The following ATG4A variants were observed in gnomAD, a reference collection of about 807,000 sequenced individuals.
ATG4A encodes the protein autophagy related 4A cysteine peptidase.
ATG4A carries 22 observed loss-of-function variants against 38.4 expected under a neutral mutation model. The observed-to-expected ratio is 0.57, with a 90% CI of 0.41 to 0.82. The LOEUF is 0.82. Among genes scored for constraint, ATG4A ranks in the 40% least tolerant of loss-of-function variants. The pLI is 0.00. For synonymous variants in ATG4A, 86 were observed against 100.7 expected (o/e 0.85, Z 0.88); for missense variants, 220 against 290.0 (o/e 0.76, Z 1.75).
chrX:108,108,393 A>G lies in ATG4A; in HGVS notation c.10+16557A>G, dbSNP rs375357813. ...ATATATTTATTTATTTATAATGTCC[A>G]GTGTTTTTAGATATAGAGGGATAAA... On this transcript the variant is annotated intron_variant, in intron 1 of 12. Coordinates refer to ENST00000372232, the MANE Select transcript of ATG4A (RefSeq NM_052936.5). Among the ~76,000 whole-genome samples, 7 of 109,060 alleles carry G rather than the reference A, an allele frequency of 6.4e-5. 1 individual carries two copies. Among genetic ancestry groups the G allele is most frequent in the African/African-American group, 2.3e-4 (7 of 30,087 alleles). 94.7% of individuals were successfully genotyped at this position (109,060 alleles called of 115,157 possible).
intron 1 of ATG4A, among the ~76,000 whole-genome samples, chrX:108,096,240 G>A (rs2147953093): frequency 8.9e-6 from 1 of 111,805 alleles, no homozygotes; most frequent in South Asian, 3.7e-4. Context: ...ATTTTAGGTT[G>A]AATTAATTAA....
At position 108,134,331 on chromosome X, in the gene ATG4A, A is replaced by G. The variant is rs1315103672; in HGVS notation, c.395-8A>G. 8.3e-7 allele frequency: 1 copy of G among 1,206,502 alleles called. No individual in the cohort carries two copies. Among genetic ancestry groups the G allele is most frequent in the Non-Finnish European group, 1.1e-6 (1 of 893,392 alleles). ...CTAACATGTTATTTTTTTCCACATT[A>G]AAAACAGCACAAATGGGTGTAGGAG... On this transcript the variant is annotated splice_region_variant and splice_polypyrimidine_tract_variant and intron_variant, in intron 5 of 12. Transcript: ENST00000372232.
intron 9 of ATG4A, among the ~76,000 whole-genome samples, chrX:108,146,255 T>C (rs980704053): frequency 1.8e-5 from 2 of 112,093 alleles, no homozygotes; most frequent in Non-Finnish European, 3.8e-5. Context: ...CAAATTAGTC[T>C]TTTGTGCATT....
intron 1 of ATG4A, among the ~76,000 whole-genome samples, chrX:108,120,038 C>T (rs764101498): frequency 8.9e-6 from 1 of 112,126 alleles, no homozygotes; most frequent in African/African-American, 3.2e-5. Flanking sequence ...CCTCCAATTT[C>T]CCAGTAACAA....
intron 1 of ATG4A, among the ~76,000 whole-genome samples, chrX:108,114,981 C>G (rs990760031): frequency 2.7e-5 from 3 of 111,260 alleles, no homozygotes; most frequent in Non-Finnish European, 5.7e-5. Context: ...GTAGTCAAAG[C>G]AAGTCTGTAA....
intron 1 of ATG4A, among the ~76,000 whole-genome samples, chrX:108,123,355 G>A (rs755837153): frequency 1.9e-4 from 21 of 112,150 alleles, no homozygotes; most frequent in Non-Finnish European, 3.0e-4. Flanking sequence ...AAGGTAGTTT[G>A]TGAAAAATTT....
chrX:108,120,570 C>T (rs1340264653), intron 1 of ATG4A, among the ~76,000 whole-genome samples: 1 of 112,481 alleles, frequency 8.9e-6, no homozygotes, highest in East Asian at 2.8e-4. Context: ...AAAGGAAACA[C>T]AGAAATAGCC....
intron 11 of ATG4A, among the ~76,000 whole-genome samples, chrX:108,152,201 A>T (rs907219175): frequency 8.9e-6 from 1 of 112,192 alleles, no homozygotes; most frequent in Admixed American, 9.4e-5. Flanking sequence ...TTAAAGGTGG[A>T]ATGAGAATTT....
chrX:108,098,957 A>G (rs1389602896), intron 1 of ATG4A, among the ~76,000 whole-genome samples: 1 of 111,633 alleles, frequency 9.0e-6, no homozygotes, highest in African/African-American at 3.3e-5. Context: ...CATTGAGTAC[A>G]GTGTTTTGTG....
intron 9 of ATG4A, among the ~76,000 whole-genome samples, chrX:108,141,094 A>ATG (rs1410739776): frequency 4.5e-4 from 36 of 79,531 alleles, no homozygotes; most frequent in African/African-American, 1.7e-3. Flanking sequence ...ATATATATAT[A>ATG]TATATATATA....
chrX:108,115,604 A>G (rs752163239), intron 1 of ATG4A, among the ~76,000 whole-genome samples: 1 of 112,273 alleles, frequency 8.9e-6, no homozygotes, highest in South Asian at 3.7e-4. Flanking sequence ...TAGCATTCCA[A>G]AGTATGGTAC....
chrX:108,126,728 T>C (rs2032807888), intron 2 of ATG4A: 29 of 973,208 alleles, frequency 3.0e-5, no homozygotes, highest in Non-Finnish European at 3.9e-5. Context: ...TATAGAACTT[T>C]TAGCCACTGC....
At chrX:108,103,857 CT>C (rs1354373214) in intron 1 of ATG4A, among the ~76,000 whole-genome samples, 1 of 111,757 alleles carries the variant, frequency 8.9e-6, no homozygotes, top group Non-Finnish European at 1.9e-5. Flanking sequence ...TATTTTTATA[CT>C]TTTTTTTGAG....
chrX:108,142,390 C>T (rs2033322486), intron 9 of ATG4A, among the ~76,000 whole-genome samples: 1 of 110,343 alleles, frequency 9.1e-6, no homozygotes, highest in Non-Finnish European at 1.9e-5. Flanking sequence ...CACTGCACTC[C>T]AGCCTGGGAG....
chrX:108,153,770 C>T lies in ATG4A; in HGVS notation c.*58C>T. 1 of 1,024,526 alleles carries T rather than the reference C, an allele frequency of 9.8e-7. No individual in the cohort carries two copies. 84.4% of individuals were successfully genotyped at this position (1,024,526 alleles called of 1,213,427 possible). A position where few individuals can be genotyped will look rare whatever the true frequency, so the allele number is the denominator to read the frequency against. Reference sequence around the variant, plus strand: ...CCATCTGGCACCATAAAAACATGAACTTATTGCATAAAACTTTTCTAGTCA... The same window carrying T: ...CCATCTGGCACCATAAAAACATGAATTTATTGCATAAAACTTTTCTAGTCA... On this transcript the variant is annotated 3_prime_UTR_variant, in exon 13 of 13. Coordinates refer to ENST00000372232, the MANE Select transcript of ATG4A (RefSeq NM_052936.5).
intron 1 of ATG4A, among the ~76,000 whole-genome samples, chrX:108,103,459 G>A (rs1385337172): frequency 8.9e-6 from 1 of 112,163 alleles, no homozygotes; most frequent in Non-Finnish European, 1.9e-5. Context: ...GTACCGTACT[G>A]TTTAATCCAC....
chrX:108,115,796 A>T (rs2032492201), intron 1 of ATG4A, among the ~76,000 whole-genome samples: 1 of 112,510 alleles, frequency 8.9e-6, no homozygotes, highest in African/African-American at 3.2e-5. Context: ...GATAAAAAAA[A>T]GTTTTAACTT....
Position 108,137,925 on chromosome X carries a change from G to T in ATG4A, c.669G>T (p.Leu223=). ...TSAYCSAWKP[L]LLIVPLRLGI... ...CCTACTGCTCAGCCTGGAAACCCCT[G>T]CTGCTCATTGTGCCCCTTCGCCTGG... Residue 223 remains leucine (L), a synonymous_variant, in exon 8 of 13, where the codon CTG becomes CTT. Transcript: ENST00000372232. 8.3e-7 allele frequency: 1 copy of T among 1,208,179 alleles called. No individual in the cohort carries two copies. The highest frequency in any genetic ancestry group is 1.1e-6 in the Non-Finnish European group (1 of 894,143).
intron 1 of ATG4A, among the ~76,000 whole-genome samples, chrX:108,103,515 T>C (rs923890858): frequency 8.9e-6 from 1 of 112,305 alleles, no homozygotes; most frequent in Admixed American, 9.4e-5. Context: ...ATTATTGCAA[T>C]TTTGTTCATT....
Sources: gnomAD v4.1 joint callset for allele counts (sites outside exome capture counted in the v4.1 genomes callset) on GRCh38, gnomAD v4.1.1 for gene constraint, MANE v1.5 for transcripts, NCBI Gene and HGNC (gene_info 2026-07-23, HGNC 2026-07-21) for gene names.